The following DCLK3 variants were observed in gnomAD, a reference collection of about 807,000 sequenced individuals.
DCLK3 encodes the protein serine/threonine-protein kinase DCLK3.
In DCLK3, 30 loss-of-function variants were observed where a neutral mutation model predicts 46.4. The ratio of observed to expected loss-of-function variants is 0.65; its 90% CI spans 0.48 to 0.88. The LOEUF (loss-of-function observed/expected upper bound fraction) is 0.88. Ranked by LOEUF, DCLK3 falls within the 40% of genes least tolerant of loss-of-function variation. The pLI is 0.00. For synonymous variants in DCLK3, 401 were observed against 339.2 expected, an observed-to-expected ratio of 1.18 and a Z score of -2.00; for missense variants, 846 against 907.1, an observed-to-expected ratio of 0.93 and a Z score of 0.87.
rs376529443 is a variant in DCLK3 at position 36,738,199 on chromosome 3, C to T, written c.968G>A (p.Arg323His). 77 of 1,612,938 alleles carry T rather than the reference C, an allele frequency of 4.8e-5. No individual in the cohort carries two copies. The highest frequency in any genetic ancestry group is 4.5e-4 in the East Asian group (20 of 44,870). Residue 323 changes from arginine (R) to histidine (H), a missense_variant, in exon 2 of 5, where the codon CGT becomes CAT. Arg to His is a conservative substitution (Grantham distance 29). Around this residue, in one of 3 missense-constraint regions of DCLK3, gnomAD observed 553 missense variants for 543.0 expected, o/e 1.02. Transcript: ENST00000636136. ...RERELQQSLE[R>H]ERLSLGTSEL... is the part of the protein sequence containing the mutation. ...ACTGGTCCCCAGAGAAAGCCTCTCA[C>T]GCTCCAGGCTCTGCTGGAGCTCCCT... is the stretch of plus-strand genomic sequence containing the variant.
At chr3:36,759,732 C>T (rs1701521629) in intron 1 of DCLK3, among the ~76,000 whole-genome samples, 1 of 152,290 alleles carries the variant, frequency 6.6e-6, no homozygotes, top group Admixed American at 6.5e-5. Flanking sequence ...TCTTAGAATA[C>T]TATTCCACAC....
At position 36,729,251 on chromosome 3, in the gene DCLK3, G is replaced by GT. The variant is rs201427572; in HGVS notation, c.1960-7593_1960-7592insA. ...TTTCCCGGGTTGTGTGTGTGTGTGG[G>GT]GGGGGGGGGTACAAAAGCCCCCTTT... On this transcript the variant is annotated intron_variant, in intron 2 of 4. Transcript: ENST00000636136. 3.3e-4 allele frequency among the ~76,000 whole-genome samples: 35 copies of GT among 105,758 alleles called. 1 individual carries two copies. The highest frequency in any genetic ancestry group is 1.1e-3 in the African/African-American group (32 of 29,184). 69.4% of individuals were successfully genotyped at this position (105,758 alleles called of 152,430 possible).
intron 1 of DCLK3, among the ~76,000 whole-genome samples, chr3:36,743,097 C>T (rs1701363261): frequency 6.6e-6 from 1 of 152,114 alleles, no homozygotes; most frequent in Admixed American, 6.5e-5. Flanking sequence ...GGCTCACCCT[C>T]ATACCGGTTG....
In DCLK3 at chr3:36,715,453, G is replaced by T; in HGVS notation, c.2329C>A (p.Leu777Ile). ...GCTGTTTCGATCCAGGGGTGCTGAA[G>T]AACCTGATGAGCTGTGTAGCGCTTT... is the stretch of plus-strand genomic sequence containing the variant. Reference protein sequence around the residue: ...PKKRYTAHQVLQHPWIETAGK... With the variant: ...PKKRYTAHQVIQHPWIETAGK... The change falls in exon 5 of 5, where the codon CTT (leucine) becomes ATT (isoleucine). Residue 777 changes from leucine to isoleucine, a missense_variant. By Grantham distance (5) the Leu-to-Ile change is conservative. Transcript: ENST00000636136. 1 of 1,611,472 alleles carries T rather than the reference G, an allele frequency of 6.2e-7. No homozygotes were observed. The highest frequency in any genetic ancestry group is 1.3e-5 in the African/African-American group (1 of 74,956).
intron 1 of DCLK3, among the ~76,000 whole-genome samples, chr3:36,750,285 T>C (rs1322528002): frequency 2.0e-5 from 3 of 152,210 alleles, no homozygotes; most frequent in Non-Finnish European, 4.4e-5. Context: ...TTCTGCTGTG[T>C]TGGCCAGCCT....
At chr3:36,758,039 C>T (rs112204782) in intron 1 of DCLK3, among the ~76,000 whole-genome samples, 4 of 152,286 alleles carry the variant, frequency 2.6e-5, no homozygotes, top group African/African-American at 9.6e-5. Context: ...CCCCCTCAGC[C>T]ACCCCATACA....
chr3:36,727,228 G>A (rs991659577), intron 2 of DCLK3, among the ~76,000 whole-genome samples: 19 of 152,192 alleles, frequency 1.2e-4, no homozygotes, highest in African/African-American at 4.3e-4. Flanking sequence ...GATGGAGGTT[G>A]CAGTGAGCTG....
At chr3:36,750,029 ATT>A (rs1342900738) in intron 1 of DCLK3, among the ~76,000 whole-genome samples, 2 of 152,086 alleles carry the variant, frequency 1.3e-5, no homozygotes, top group Non-Finnish European at 2.9e-5. Flanking sequence ...GAAGAAATAA[ATT>A]TCTTTTACTT....
At position 36,764,027 on chromosome 3, in the gene DCLK3, C is replaced by T. The variant is rs535212968; in HGVS notation, c.82+155G>A. 2.6e-5 allele frequency among the ~76,000 whole-genome samples: 4 copies of T among 152,294 alleles called. No individual in the cohort carries two copies. Among genetic ancestry groups the T allele is most frequent in the Admixed American group, 6.5e-5 (1 of 15,312 alleles). On this transcript the variant is annotated intron_variant, in intron 1 of 4. Coordinates refer to ENST00000636136, the MANE Select transcript of DCLK3 (RefSeq NM_001394672.2). This position sits in a 1 kb window ranked among gnomAD's most constrained non-coding sequence, Gnocchi z 4.9. ...ACACACACATACACACGTACACACA[C>T]ATACACACACACAGTCCTCCGTACA...
intron 1 of DCLK3, among the ~76,000 whole-genome samples, chr3:36,745,204 A>G (rs1233091011): frequency 6.6e-6 from 1 of 152,150 alleles, no homozygotes; most frequent in Non-Finnish European, 1.5e-5. Flanking sequence ...TCTCTTTTAT[A>G]TTGTCTTTTT....
At chr3:36,751,063 T>TCAAAAAAAAA (rs1701436459) in intron 1 of DCLK3, among the ~76,000 whole-genome samples, 1 of 76,476 alleles carries the variant, frequency 1.3e-5, no homozygotes, top group African/African-American at 5.6e-5. Flanking sequence ...CGGGATGATC[T>TCAAAAAAAAA]AAAAAAAAAA....
At chr3:36,728,309 T>C (rs114597584) in intron 2 of DCLK3, among the ~76,000 whole-genome samples, 3 of 152,078 alleles carry the variant, frequency 2.0e-5, no homozygotes, top group Admixed American at 6.5e-5. Flanking sequence ...TAATTTTAGA[T>C]GACAACTTGA....
Position 36,764,219 on chromosome 3 carries a change from G to GCCGT in DCLK3, c.44_45insACGG (p.Pro19SerfsTer17). ...GCGCCGGGCAGGCTGGGGCTGGCCG[G>GCCGT]GCCGGGGGCGGCGGCGGCTGCGGGG... On this transcript the variant is annotated frameshift_variant, in exon 1 of 5. Coordinates refer to ENST00000636136, the MANE Select transcript of DCLK3 (RefSeq NM_001394672.2). LOFTEE classifies it high-confidence loss of function. The surrounding 1 kb of genome is among the most constrained non-coding windows in gnomAD (Gnocchi z 4.9). The GCCGT allele has an allele frequency of 3.1e-6, 1 of 324,124 alleles. No homozygotes were observed. The highest frequency in any genetic ancestry group is 5.6e-6 in the Non-Finnish European group (1 of 178,282). The allele number at this position is 324,124 out of a possible 1,614,324, so 20.1% of individuals were successfully genotyped here. A position where few individuals can be genotyped will look rare whatever the true frequency, so the allele number is the denominator to read the frequency against.
intron 1 of DCLK3, among the ~76,000 whole-genome samples, chr3:36,755,429 G>A (rs1701477418): frequency 6.6e-6 from 1 of 152,094 alleles, no homozygotes; most frequent in Non-Finnish European, 1.5e-5. Context: ...AATGAAAGGT[G>A]ATTACAAACT....
At chr3:36,744,768 G>T (rs17035520) in intron 1 of DCLK3, among the ~76,000 whole-genome samples, 46 of 152,302 alleles carry the variant, frequency 3.0e-4, no homozygotes, top group Admixed American at 2.0e-3. Context: ...GGATGCATTT[G>T]TCATTCACAC....
chr3:36,748,895 T>C (rs1575145849), intron 1 of DCLK3, among the ~76,000 whole-genome samples: 1 of 152,194 alleles, frequency 6.6e-6, no homozygotes, highest in Non-Finnish European at 1.5e-5. Flanking sequence ...TGCCAATGCA[T>C]GGGGAGCCTC....
chr3:36,757,344 A>C (rs1309022318), intron 1 of DCLK3, among the ~76,000 whole-genome samples: 2 of 152,176 alleles, frequency 1.3e-5, no homozygotes, highest in Non-Finnish European at 2.9e-5. Context: ...AAAAACACAG[A>C]GTGGAAAGTT....
chr3:36,725,977 C>A lies in DCLK3; in HGVS notation c.1960-4318G>T, dbSNP rs6550431. 3.2e-3 allele frequency among the ~76,000 whole-genome samples: 486 copies of A among 152,192 alleles called. 2 individuals are homozygous for A. In the Middle Eastern group the frequency reaches 0.037, roughly 12 times the overall value. On this transcript the variant is annotated intron_variant, in intron 2 of 4. Transcript: ENST00000636136. ...AGTTAGTATGTCCTGTCCTCCTCCC[C>A]CAACAAGGGATTTGATACAAGATTA... is the stretch of plus-strand genomic sequence containing the variant.
intron 1 of DCLK3, among the ~76,000 whole-genome samples, chr3:36,745,684 T>C (rs939211283): frequency 6.6e-6 from 1 of 152,218 alleles, no homozygotes; most frequent in Non-Finnish European, 1.5e-5. Flanking sequence ...TATTCTTCTG[T>C]GGAAGATAGA....
Sources: allele counts gnomAD v4.1 joint callset (sites outside exome capture counted in the v4.1 genomes callset), GRCh38; gene constraint gnomAD v4.1.1; regional missense constraint gnomAD v4.1.1; non-coding constraint Gnocchi (gnomAD v3.1); transcripts MANE v1.5; gene names NCBI Gene and HGNC (gene_info 2026-07-23, HGNC 2026-07-21).